Variants in MAMDC2 observed in about 807,000 individuals in gnomAD.
MAMDC2 encodes the protein MAM domain containing 2, also known as MAM domain-containing protein 2.
A neutral mutation model predicts 89.8 loss-of-function variants in MAMDC2; 57 were observed. The ratio of observed to expected loss-of-function variants is 0.63; its 90% CI spans 0.51 to 0.79. The LOEUF is 0.79. Ranked by LOEUF, MAMDC2 falls within the 30% of genes least tolerant of loss-of-function variation. The probability of loss-of-function intolerance (pLI) is 0.00; values close to 1 mark genes in which losing one functional copy is unlikely to be tolerated. For missense variants in MAMDC2, 800 were observed against 820.6 expected, an observed-to-expected ratio of 0.97 and a Z score of 0.31; for synonymous variants, 313 against 293.4, an observed-to-expected ratio of 1.07 and a Z score of -0.68.
At chr9:70,184,380 A>G (rs1426332695) in intron 11 of MAMDC2, among the ~76,000 whole-genome samples, 2 of 151,702 alleles carry the variant, frequency 1.3e-5, no homozygotes, top group Non-Finnish European at 2.9e-5. Flanking sequence ...CTTCTCATGG[A>G]GTATCTTAGT....
intron 7 of MAMDC2, among the ~76,000 whole-genome samples, chr9:70,134,459 A>G (rs575970901): frequency 6.6e-5 from 10 of 151,908 alleles, no homozygotes; most frequent in African/African-American, 2.2e-4. Flanking sequence ...AGGTGATCCC[A>G]TTCACTTCTA....
At chr9:70,225,363 G>A (rs990573265) in intron 12 of MAMDC2, among the ~76,000 whole-genome samples, 2 of 151,934 alleles carry the variant, frequency 1.3e-5, no homozygotes, top group African/African-American at 4.8e-5. Flanking sequence ...AGTGCTAAAG[G>A]AAATTTAAAT....
At chr9:70,095,047 G>A (rs951660528) in intron 2 of MAMDC2, among the ~76,000 whole-genome samples, 2 of 152,198 alleles carry the variant, frequency 1.3e-5, no homozygotes, top group Non-Finnish European at 2.9e-5. Context: ...TAGGAGGGAA[G>A]GGATATGAAA....
At chr9:70,120,701 T>A (rs2030245296) in intron 5 of MAMDC2, among the ~76,000 whole-genome samples, 1 of 152,188 alleles carries the variant, frequency 6.6e-6, no homozygotes. Context: ...TGTCACTTAT[T>A]GTTTGGGGCT....
At chr9:70,050,584 C>A (rs547012542) in intron 2 of MAMDC2, among the ~76,000 whole-genome samples, 76 of 152,286 alleles carry the variant, frequency 5.0e-4, no homozygotes, top group Admixed American at 7.8e-4. Context: ...TACATTAATA[C>A]GTTTAACACA....
chr9:70,151,079 G>A (rs1022669368), intron 9 of MAMDC2, among the ~76,000 whole-genome samples: 4 of 152,140 alleles, frequency 2.6e-5, no homozygotes, highest in African/African-American at 9.7e-5. Context: ...CCTTCTCTCT[G>A]TTCCTTGAGT....
chr9:70,074,734 C>T (rs1378264202), intron 2 of MAMDC2, among the ~76,000 whole-genome samples: 1 of 152,222 alleles, frequency 6.6e-6, no homozygotes, highest in Non-Finnish European at 1.5e-5. Context: ...AGCAACATAA[C>T]ATGGCAAATA....
chr9:70,060,624 A>G (rs1348125868), intron 2 of MAMDC2: 3 of 152,184 alleles, frequency 2.0e-5, no homozygotes, highest in Admixed American at 2.0e-4. Flanking sequence ...TGCAGCAAAG[A>G]AAAGATATAT....
At chr9:70,116,750 C>A (rs562191661) in intron 5 of MAMDC2, among the ~76,000 whole-genome samples, 10 of 150,808 alleles carry the variant, frequency 6.6e-5, no homozygotes, top group African/African-American at 2.4e-4. Flanking sequence ...GAAAAAGAGG[C>A]CCTGGATTTT....
chr9:70,176,828 T>A (rs1304747734), intron 11 of MAMDC2, among the ~76,000 whole-genome samples: 6 of 152,208 alleles, frequency 3.9e-5, no homozygotes, highest in African/African-American at 1.4e-4. Flanking sequence ...CTTTAATAAC[T>A]AATTTTCTAG....
chr9:70,179,536 T>A lies in MAMDC2; in HGVS notation c.1651+8905T>A, dbSNP rs200203233. Reference sequence around the variant, plus strand: ...AAGACTCCGTCTCAAAAAAAATAAATAAATAAATAAATAAAAATAAAATAA... The same window carrying A: ...AAGACTCCGTCTCAAAAAAAATAAAAAAATAAATAAATAAAAATAAAATAA... On this transcript the variant is annotated intron_variant, in intron 11 of 13. Transcript: ENST00000377182. Among the ~76,000 whole-genome samples the A allele has an allele frequency of 9.8e-3, 1,182 of 120,944 alleles. 11 individuals are homozygous for A. Among genetic ancestry groups the A allele is most frequent in the East Asian group, 0.045 (192 of 4,312 alleles). 79.3% of individuals were successfully genotyped at this position (120,944 alleles called of 152,430 possible). A position where few individuals can be genotyped will look rare whatever the true frequency, so the allele number is the denominator to read the frequency against.
rs764152090 is a variant in MAMDC2 at position 70,126,237 on chromosome 9, C to T, written c.722C>T (p.Ala241Val). ...VAQLISPLTT[A>V]PMAGCLSFYY... ...CAGCTCATCTCCCCGTTGACCACGG[C>T]CCCCATGGCTGGCTGCCTGTCATTT... Residue 241 changes from alanine to valine, a missense_variant, in exon 6 of 14, where the codon GCC (alanine) becomes GTC (valine). Coordinates refer to ENST00000377182, the MANE Select transcript of MAMDC2 (RefSeq NM_153267.5). The T allele has an allele frequency of 1.9e-6, 3 of 1,614,162 alleles. No individual in the cohort carries two copies. The highest frequency in any genetic ancestry group is 1.6e-4 in the Middle Eastern group (1 of 6,062).
At chr9:70,200,432 C>T (rs2033077481) in intron 11 of MAMDC2, among the ~76,000 whole-genome samples, 1 of 150,284 alleles carries the variant, frequency 6.7e-6, no homozygotes, top group Admixed American at 6.6e-5. Flanking sequence ...GGTACCAGTA[C>T]CATGCTGTTT....
chr9:70,130,608 A>G (rs2030763456), intron 6 of MAMDC2, among the ~76,000 whole-genome samples: 2 of 152,144 alleles, frequency 1.3e-5, no homozygotes, highest in African/African-American at 4.8e-5. Context: ...GGTTGAAGTC[A>G]TTGGCCCATG....
intron 7 of MAMDC2, among the ~76,000 whole-genome samples, chr9:70,136,819 A>T (rs1408080661): frequency 1.3e-5 from 2 of 152,162 alleles, no homozygotes; most frequent in African/African-American, 2.4e-5. Flanking sequence ...TGAATACTTT[A>T]ATGGGGTTTC....
intron 2 of MAMDC2, among the ~76,000 whole-genome samples, chr9:70,097,462 A>G (rs1587467053): frequency 6.6e-6 from 1 of 152,218 alleles, no homozygotes; most frequent in African/African-American, 2.4e-5. Flanking sequence ...TACCCCACCC[A>G]TGACCCTGTG....
At chr9:70,057,667 T>C (rs971820823) in intron 2 of MAMDC2, among the ~76,000 whole-genome samples, 5 of 152,194 alleles carry the variant, frequency 3.3e-5, no homozygotes, top group African/African-American at 1.2e-4. Context: ...TAAGAATTCT[T>C]AGAAAATTAA....
At chr9:70,154,833 G>A (rs1402043442) in intron 9 of MAMDC2, among the ~76,000 whole-genome samples, 1 of 151,868 alleles carries the variant, frequency 6.6e-6, no homozygotes, top group South Asian at 2.1e-4. Flanking sequence ...TTTTTATGAT[G>A]GTATTTACTA....
At chr9:70,169,825 C>A (rs1030498419) in intron 10 of MAMDC2, 1 of 152,144 alleles carries the variant, frequency 6.6e-6, no homozygotes, top group Admixed American at 6.5e-5. Context: ...GGAAAATAAA[C>A]CTCTGGGTGG....
Sources: gnomAD v4.1 joint callset for allele counts (sites outside exome capture counted in the v4.1 genomes callset) on GRCh38, gnomAD v4.1.1 for gene constraint, MANE v1.5 for transcripts, NCBI Gene and HGNC (gene_info 2026-07-23, HGNC 2026-07-21) for gene names.